The following TTC39A variants were observed in gnomAD, a reference collection of about 807,000 sequenced individuals.
TTC39A encodes the protein tetratricopeptide repeat domain 39A.
In TTC39A, 46 loss-of-function variants were observed where a neutral mutation model predicts 82.3. That is an observed-to-expected ratio of 0.56 (90% confidence interval 0.44 to 0.71). The LOEUF is 0.71. TTC39A is among the 30% of genes least tolerant of loss of function. The pLI, the probability that TTC39A is intolerant of heterozygous loss-of-function variation, is 0.00. For missense variants in TTC39A, 543 were observed against 712.9 expected (o/e 0.76, Z 2.71); for synonymous variants, 254 against 275.2 (o/e 0.92, Z 0.76).
rs1645110412 is a variant in TTC39A at position 51,312,186 on chromosome 1, C to T, written c.288G>A (p.Arg96=). The T allele has an allele frequency of 1.2e-6, 2 of 1,607,014 alleles. No homozygotes were observed. The highest frequency in any genetic ancestry group is 1.1e-5 in the South Asian group (1 of 89,326). The change falls in exon 4 of 18, where the codon AGG becomes AGA. Residue 96 remains arginine (R), a synonymous_variant. Coordinates refer to ENST00000680483, the MANE Select transcript of TTC39A (RefSeq NM_001297663.2). ...EAQMLCQRHR[R]KSSVTDSFSS... is the part of the protein sequence containing the mutation. ...TGAAGGAATCTGTTACAGAAGACTT[C>T]CTCCGGTGCCTGAAGAGGAAAAAGA...
rs1394060382 is a variant in TTC39A, at chr1:51,301,808, C to T, written c.892-75G>A. The T allele has an allele frequency of 7.7e-6, 12 of 1,549,694 alleles. No homozygotes were observed. In the South Asian group the frequency reaches 1.3e-4, roughly 17 times the overall value. On this transcript the variant is annotated intron_variant, in intron 11 of 17. Transcript: ENST00000680483. The stretch of plus-strand genomic sequence containing the variant: ...CCTCTGCATCCTCCGAACCTCCCAA[C>T]ACCACAGCAGACCGGGACTCCTCCA...
Position 51,321,973 on chromosome 1 carries a change from GGGAC to G in TTC39A, c.42-152_42-149del, listed in dbSNP as rs1645541861. ...CTCCTCCAGGCTGCCACTCTGTACT[GGGAC>G]GCAGGGACAATTTGGACCCACCTCT... is the stretch of plus-strand genomic sequence containing the variant. On this transcript the variant is annotated intron_variant, in intron 1 of 17. Coordinates refer to ENST00000680483, the MANE Select transcript of TTC39A (RefSeq NM_001297663.2). This position sits in a 1 kb window ranked among gnomAD's most constrained non-coding sequence, Gnocchi z 4.6. 7.5e-7 allele frequency: 1 copy of G among 1,336,210 alleles called. No individual in the cohort carries two copies. The highest frequency in any genetic ancestry group is 1.4e-5 in the South Asian group (1 of 72,038). 82.8% of individuals were successfully genotyped at this position (1,336,210 alleles called of 1,614,324 possible). A position where few individuals can be genotyped will look rare whatever the true frequency, so the allele number is the denominator to read the frequency against.
exon 1 of TTC39A, chr1:51,345,112 A>C: frequency 1.7e-6 from 2 of 1,173,438 alleles, no homozygotes; most frequent in Non-Finnish European, 2.2e-6. Flanking sequence ...CGTGGAGGCT[A>C]CAGTGGCAGC....
rs764993860 is a variant in TTC39A, at chr1:51,305,105, C to A, written c.630G>T (p.Glu210Asp). 1.2e-6 allele frequency: 2 copies of A among 1,613,668 alleles called. No homozygotes were observed. The highest frequency in any genetic ancestry group is 2.2e-5 in the East Asian group (1 of 44,866). ...MLPTRILRLL[E>D]FVGFSGNKDY... is the part of the protein sequence containing the mutation. Reference sequence around the variant, plus strand: ...CCTTGTTTCCTGAAAACCCCACAAACTCCAACAGCCTCAGGATCCTAGTAG... The same window carrying A: ...CCTTGTTTCCTGAAAACCCCACAAAATCCAACAGCCTCAGGATCCTAGTAG... The change falls in exon 8 of 18, where the codon GAG becomes GAT. Residue 210 changes from glutamate to aspartate, a missense_variant. By Grantham distance (45) the Glu-to-Asp change is conservative. Coordinates refer to ENST00000680483, the MANE Select transcript of TTC39A (RefSeq NM_001297663.2).
Position 51,294,559 on chromosome 1 carries a change from A to G in TTC39A, c.1146-48T>C. The stretch of plus-strand genomic sequence containing the variant: ...GGGAGAGGATGAAAAAGAGCAGGAG[A>G]GGGCAGAGGGTCCCCAGCCTACCCA... On this transcript the variant is annotated intron_variant, in intron 13 of 17. Transcript: ENST00000680483. This position sits in a 1 kb window ranked among gnomAD's most constrained non-coding sequence, Gnocchi z 4.3. 1 of 1,610,616 alleles carries G rather than the reference A, an allele frequency of 6.2e-7. No individual in the cohort carries two copies. The highest frequency in any genetic ancestry group is 1.7e-5 in the Admixed American group (1 of 59,874).
At chr1:51,331,165 CA>C, upstream of TTC39A, 1 of 1,542,018 alleles carries the variant, frequency 6.5e-7, no homozygotes, top group Non-Finnish European at 8.8e-7. Flanking sequence ...TAATAAGTGG[CA>C]AGCTAGGACT....
Position 51,330,364 on chromosome 1 carries a change from C to A in TTC39A, c.41+73G>T. ...GGCCGGTGCGCGGGGGGAGGCCTGG[C>A]GCGGCGCCCGCCACCTGCCCGGGCC... On this transcript the variant is annotated intron_variant, in intron 1 of 17. Coordinates refer to ENST00000680483, the MANE Select transcript of TTC39A (RefSeq NM_001297663.2). The surrounding 1 kb of genome is among the most constrained non-coding windows in gnomAD (Gnocchi z 4.5). 5.2e-5 allele frequency: 49 copies of A among 939,950 alleles called. No individual in the cohort carries two copies. The highest frequency in any genetic ancestry group is 6.1e-5 in the Non-Finnish European group (48 of 790,904). 58.2% of individuals were successfully genotyped at this position (939,950 alleles called of 1,614,324 possible). A position where few individuals can be genotyped will look rare whatever the true frequency, so the allele number is the denominator to read the frequency against.
At chr1:51,337,428 T>A (rs1218411328) in intron 1 of TTC39A, among the ~76,000 whole-genome samples, 2 of 149,516 alleles carry the variant, frequency 1.3e-5, no homozygotes, top group East Asian at 3.9e-4. Context: ...TGTTTAATTT[T>A]TTTTTTTTTT....
chr1:51,342,227 C>T (rs1646046011), intron 1 of TTC39A, among the ~76,000 whole-genome samples: 1 of 152,146 alleles, frequency 6.6e-6, no homozygotes, highest in South Asian at 2.1e-4. Flanking sequence ...CCCAGCAGTT[C>T]CCAGCTACCC....
intron 1 of TTC39A, among the ~76,000 whole-genome samples, chr1:51,336,807 G>A (rs767081956): frequency 7.0e-4 from 107 of 152,172 alleles, no homozygotes; most frequent in Non-Finnish European, 1.4e-3. Flanking sequence ...ACCTCATTAG[G>A]TTGTTGCAAG....
intron 2 of TTC39A, among the ~76,000 whole-genome samples, chr1:51,318,086 G>A (rs1020321977): frequency 1.3e-5 from 2 of 152,178 alleles, no homozygotes; most frequent in Non-Finnish European, 2.9e-5. Context: ...CCTTCTGTTG[G>A]CCCCAAGTCT....
upstream of TTC39A, among the ~76,000 whole-genome samples, chr1:51,333,569 T>A (rs1033921440): frequency 1.3e-5 from 2 of 152,244 alleles, no homozygotes; most frequent in African/African-American, 4.8e-5. Context: ...AAACTCCTCC[T>A]AACCCTGCAG....
At chr1:51,309,117 A>G in intron 6 of TTC39A, 144 bp downstream of exon 6, 1 of 962,120 alleles carries the variant, frequency 1.0e-6, no homozygotes, top group Non-Finnish European at 1.5e-6. Flanking sequence ...TCCTGAGGGC[A>G]TGGAAATCAG....
chr1:51,303,374 A>C (rs1465613700), intron 8 of TTC39A, among the ~76,000 whole-genome samples, 182 bp from the exon 9 acceptor site: 1 of 152,200 alleles, frequency 6.6e-6, no homozygotes, highest in African/African-American at 2.4e-5. Flanking sequence ...CATTCCTGGG[A>C]GAAGGGGACA....
rs1273134549 is a variant in TTC39A, at chr1:51,309,256, C to T, written c.488+5G>A. 1 of 1,605,112 alleles carries T rather than the reference C, an allele frequency of 6.2e-7. No homozygotes were observed. On this transcript the variant is annotated splice_donor_5th_base_variant and intron_variant, in intron 6 of 17. Coordinates refer to ENST00000680483, the MANE Select transcript of TTC39A (RefSeq NM_001297663.2). ...CCCCACAAGCGGATGGCCAGCCCCA[C>T]TCACTTGTAGGTCTGGTAGCTGTTT...
In TTC39A at chr1:51,316,037, C is replaced by T. The variant is rs76546296; in HGVS notation, c.147-3094G>A. On this transcript the variant is annotated intron_variant, in intron 2 of 17. Transcript: ENST00000680483. ...ATGAGCCCCAGGGAATGAGGCAGCC[C>T]TCCTGACCAGCCCCTTTCCCACAGG... Among the ~76,000 whole-genome samples, 744 of 152,302 alleles carry T rather than the reference C, an allele frequency of 4.9e-3. 5 individuals are homozygous for T. Among genetic ancestry groups the T allele is most frequent in the African/African-American group, 0.016 (684 of 41,568 alleles).
chr1:51,330,881 C>T (rs1557747032), upstream of TTC39A: 4 of 578,784 alleles, frequency 6.9e-6, no homozygotes, highest in African/African-American at 3.7e-5. The surrounding 1 kb of genome is among the most constrained non-coding windows in gnomAD (Gnocchi z 4.5). Flanking sequence ...GCTTCCGCCC[C>T]GAAGCGGCCC....
At chr1:51,336,015 G>A (rs377597422), upstream of TTC39A, among the ~76,000 whole-genome samples, 1 of 151,610 alleles carries the variant, frequency 6.6e-6, no homozygotes, top group African/African-American at 2.4e-5. Flanking sequence ...CCTTTCCCTG[G>A]CATGAAGCGC....
intron 11 of TTC39A, 109 bp downstream of exon 11, chr1:51,302,248 C>CG (rs904925914): frequency 5.2e-6 from 3 of 574,670 alleles, no homozygotes; most frequent in African/African-American, 4.0e-5. Context: ...TGGCCCCCCC[C>CG]CCGCCCCCAG....
Sources: gnomAD v4.1 joint callset for allele counts (sites outside exome capture counted in the v4.1 genomes callset) on GRCh38, gnomAD v4.1.1 for gene constraint, Gnocchi (gnomAD v3.1) non-coding constraint, MANE v1.5 for transcripts, NCBI Gene and HGNC (gene_info 2026-07-23, HGNC 2026-07-21) for gene names.